GHR: variants seen among roughly 807,000 people sequenced by gnomAD.
The protein encoded by GHR is growth hormone receptor.
A neutral mutation model predicts 67.1 loss-of-function variants in GHR; 35 were observed. The observed-to-expected ratio is 0.52, with a 90% CI of 0.40 to 0.69. The LOEUF is 0.69. Among genes scored for constraint, GHR ranks in the 30% least tolerant of loss-of-function variants. The pLI, the probability that GHR is intolerant of heterozygous loss-of-function variation, is 0.00. For missense variants in GHR, 792 were observed against 764.6 expected (o/e 1.04, Z -0.42); for synonymous variants, 272 against 269.1 (o/e 1.01, Z -0.10).
chr5:42,576,109 A>AAAATAAATAAAATAAAAT (rs1491329020), intron 2 of GHR, among the ~76,000 whole-genome samples: 1 of 86,012 alleles, frequency 1.2e-5, no homozygotes. Context: ...TAAATAAAAT[A>AAAATAAATAAAATAAAAT]AAATAAAATA....
At chr5:42,646,292 C>T (rs1177829551) in intron 3 of GHR, 1 of 451,418 alleles carries the variant, frequency 2.2e-6, no homozygotes, top group Non-Finnish European at 4.4e-6. Context: ...CAAATTGAAC[C>T]CCAGCACATG....
chr5:42,710,056 A>AT (rs1310861289), intron 6 of GHR, among the ~76,000 whole-genome samples: 2 of 151,794 alleles, frequency 1.3e-5, no homozygotes, highest in African/African-American at 2.4e-5. Flanking sequence ...TAAAAAAAAA[A>AT]CTTAAGAAAA....
chr5:42,537,742 G>A (rs531847449), intron 1 of GHR, among the ~76,000 whole-genome samples: 2 of 152,178 alleles, frequency 1.3e-5, no homozygotes, highest in South Asian at 4.2e-4. Flanking sequence ...CCTGTCTAGT[G>A]CTGTCAGTGG....
chr5:42,559,800 A>G (rs1255369999), intron 1 of GHR, among the ~76,000 whole-genome samples: 2 of 152,152 alleles, frequency 1.3e-5, no homozygotes, highest in African/African-American at 2.4e-5. Flanking sequence ...GGATCTGACC[A>G]TTTTCCAAAT....
At position 42,533,449 on chromosome 5, in the gene GHR, A is replaced by G. The variant is rs1748069372; in HGVS notation, c.-11-32415A>G. ...TTTTGTTCATGGCATCTTTTAACAC[A>G]CGTGATTTTTAATTTTGATATAGTT... On this transcript the variant is annotated intron_variant, in intron 1 of 9. Transcript: ENST00000230882. Among the ~76,000 whole-genome samples the G allele has an allele frequency of 2.0e-5, 3 of 151,902 alleles. No individual in the cohort carries two copies. In the South Asian group the frequency reaches 6.2e-4, roughly 31 times the overall value.
chr5:42,675,048 T>C (rs1478174193), intron 3 of GHR, among the ~76,000 whole-genome samples: 2 of 152,230 alleles, frequency 1.3e-5, no homozygotes, highest in Non-Finnish European at 1.5e-5. Flanking sequence ...TTATCTAAGA[T>C]GCCTTTTACC....
chr5:42,621,818 A>T (rs538526233), intron 2 of GHR, among the ~76,000 whole-genome samples: 1 of 152,230 alleles, frequency 6.6e-6, no homozygotes, highest in Admixed American at 6.5e-5. Context: ...ATGCTGTATG[A>T]TTTACTGTTC....
intron 2 of GHR, among the ~76,000 whole-genome samples, chr5:42,619,164 G>C (rs1390428262): frequency 1.3e-5 from 2 of 152,038 alleles, no homozygotes; most frequent in Non-Finnish European, 2.9e-5. Context: ...AATAGCAATA[G>C]CAATTCCAGC....
At chr5:42,624,114 A>G (rs965427642) in intron 2 of GHR, among the ~76,000 whole-genome samples, 1 of 152,324 alleles carries the variant, frequency 6.6e-6, no homozygotes, top group South Asian at 2.1e-4. Context: ...GATTCATTAC[A>G]TATTTTCAGG....
At chr5:42,644,463 G>A (rs1169834349) in intron 3 of GHR, among the ~76,000 whole-genome samples, 1 of 152,138 alleles carries the variant, frequency 6.6e-6, no homozygotes, top group Non-Finnish European at 1.5e-5. Context: ...AATAAGAAGA[G>A]AGAGGGAGAA....
At chr5:42,517,408 A>C (rs1314092157) in intron 1 of GHR, among the ~76,000 whole-genome samples, 1 of 152,220 alleles carries the variant, frequency 6.6e-6, no homozygotes, top group Non-Finnish European at 1.5e-5. Context: ...GGCCTAAATC[A>C]GTACCTATCC....
chr5:42,472,079 A>T (rs1745034874), intron 1 of GHR, among the ~76,000 whole-genome samples: 1 of 152,198 alleles, frequency 6.6e-6, no homozygotes, highest in African/African-American at 2.4e-5. Flanking sequence ...TGGGATAAAC[A>T]AGAGGTCTTT....
chr5:42,665,749 T>G (rs1042229158), intron 3 of GHR, among the ~76,000 whole-genome samples: 1 of 150,232 alleles, frequency 6.7e-6, no homozygotes, highest in Non-Finnish European at 1.5e-5. Context: ...AGTATAATAA[T>G]AATAAAAGAA....
At chr5:42,564,102 GTGTGAGATTTATTTGAAATCTC>G (rs1398229406) in intron 1 of GHR, among the ~76,000 whole-genome samples, 12 of 150,832 alleles carry the variant, frequency 8.0e-5, no homozygotes, top group Admixed American at 1.3e-4. Flanking sequence ...ATCTCACAAA[GTGTGAGATTTATTTGAAATCTC>G]ACAAAGTGTG....
At chr5:42,662,079 A>G (rs186007801) in intron 3 of GHR, among the ~76,000 whole-genome samples, 1 of 152,340 alleles carries the variant, frequency 6.6e-6, no homozygotes, top group African/African-American at 2.4e-5. Context: ...TATGCACCCA[A>G]TACAGGAGCA....
At chr5:42,573,516 C>T (rs1050725254) in intron 2 of GHR, among the ~76,000 whole-genome samples, 1 of 152,176 alleles carries the variant, frequency 6.6e-6, no homozygotes, top group South Asian at 2.1e-4. Flanking sequence ...TTAAGTGACC[C>T]GGTCACCCAG....
chr5:42,586,255 C>T (rs1751469912), intron 2 of GHR, among the ~76,000 whole-genome samples: 1 of 152,064 alleles, frequency 6.6e-6, no homozygotes, highest in African/African-American at 2.4e-5. Flanking sequence ...TATTTTTCTT[C>T]CTCCCAACTT....
chr5:42,545,399 G>A (rs1033947646), intron 1 of GHR, among the ~76,000 whole-genome samples: 7 of 152,026 alleles, frequency 4.6e-5, no homozygotes, highest in African/African-American at 9.7e-5. Context: ...CTTTTTATAC[G>A]GAGCATGTTT....
At chr5:42,637,130 A>G (rs1170635137) in intron 3 of GHR, among the ~76,000 whole-genome samples, 1 of 152,122 alleles carries the variant, frequency 6.6e-6, no homozygotes, top group African/African-American at 2.4e-5. Context: ...ATAAAGTTTT[A>G]TTGGACCACA....
Sources: gnomAD v4.1 joint callset for allele counts (sites outside exome capture counted in the v4.1 genomes callset) on GRCh38, gnomAD v4.1.1 for gene constraint, MANE v1.5 for transcripts, NCBI Gene and HGNC (gene_info 2026-07-23, HGNC 2026-07-21) for gene names.